Variants in BLTP2 observed in about 807,000 individuals in gnomAD.
BLTP2 encodes U937-associated antigen.
At chr17:28,632,040 G>A in the BLTP2 span, 2 of 1,611,414 alleles carry the variant, frequency 1.2e-6, no homozygotes, top group Non-Finnish European at 1.7e-6. Flanking sequence ...AGGGACATCA[G>A]TGCCTTACCT....
chr17:28,632,742 T>C, the BLTP2 span, among the ~76,000 whole-genome samples: 1 of 152,054 alleles, frequency 6.6e-6, no homozygotes, highest in East Asian at 1.9e-4. Flanking sequence ...AAACTTGTGG[T>C]ATTACTGTTA....
chr17:28,641,762 C>T, the BLTP2 span: 1 of 851,746 alleles, frequency 1.2e-6, no homozygotes, highest in Non-Finnish European at 1.8e-6. Flanking sequence ...TCTAACTATC[C>T]TTAGGGTCAA....
the BLTP2 span, chr17:28,614,953 GCT>G: frequency 1.0e-6 from 1 of 996,476 alleles, no homozygotes; most frequent in Admixed American, 2.2e-5. Flanking sequence ...ATGCCTATGG[GCT>G]CTGACACCCA....
At chr17:28,641,814 G>T in the BLTP2 span, 1 of 1,296,528 alleles carries the variant, frequency 7.7e-7, no homozygotes. Flanking sequence ...TAAGCAGTGA[G>T]ACCACTATTT....
the BLTP2 span, chr17:28,634,680 T>C: frequency 6.2e-7 from 1 of 1,614,180 alleles, no homozygotes; most frequent in Non-Finnish European, 8.5e-7. Flanking sequence ...GTTCTAGCCC[T>C]GCTAAGCTCC....
At chr17:28,635,174 G>C in the BLTP2 span, 2 of 1,613,796 alleles carry the variant, frequency 1.2e-6, no homozygotes, top group East Asian at 4.5e-5. Flanking sequence ...GCAGGGAAGG[G>C]GTTCCGGTGG....
At chr17:28,639,287 G>C in the BLTP2 span, 3 of 1,612,666 alleles carry the variant, frequency 1.9e-6, no homozygotes, top group Admixed American at 5.0e-5. Context: ...CAACTGACAA[G>C]AAGGTGGCTG....
At chr17:28,638,765 G>A in the BLTP2 span, 3 of 647,698 alleles carry the variant, frequency 4.6e-6, no homozygotes, top group African/African-American at 3.6e-5. Flanking sequence ...TTCTTAGGAC[G>A]AGACACACCT....
At chr17:28,642,102 G>C in the BLTP2 span, 5 of 1,608,404 alleles carry the variant, frequency 3.1e-6, no homozygotes, top group Non-Finnish European at 3.4e-6. Flanking sequence ...AAGCCTCTAA[G>C]GTGTATGTAA....
the BLTP2 span, chr17:28,624,046 G>C: frequency 3.0e-5 from 42 of 1,404,008 alleles, no homozygotes; most frequent in Non-Finnish European, 4.1e-5. Context: ...ACTGCAGCTA[G>C]GTCTAATGCT....
At chr17:28,635,814 A>G in the BLTP2 span, 3 of 539,084 alleles carry the variant, frequency 5.6e-6, no homozygotes, top group South Asian at 5.4e-5. Context: ...GACATTTAAG[A>G]GCACTTATAC....
chr17:28,629,471 T>A, the BLTP2 span, among the ~76,000 whole-genome samples: 1 of 151,830 alleles, frequency 6.6e-6, no homozygotes, highest in Non-Finnish European at 1.5e-5. Context: ...ATTTATTTTT[T>A]ATTTATTTAT....
the BLTP2 span, chr17:28,639,107 C>G: frequency 1.7e-6 from 1 of 598,322 alleles, no homozygotes; most frequent in Non-Finnish European, 3.0e-6. Flanking sequence ...ACACTGAGCA[C>G]CGAGGACATA....
At chr17:28,616,542 ATCC>A in the BLTP2 span, 10 of 1,614,014 alleles carry the variant, frequency 6.2e-6, no homozygotes, top group African/African-American at 1.1e-4. The surrounding 1 kb of genome is among the most constrained non-coding windows in gnomAD (Gnocchi z 4.8). Flanking sequence ...GCTGTCATCC[ATCC>A]TCGTTCTGAA....
At chr17:28,621,576 A>C in the BLTP2 span, 3 of 1,017,966 alleles carry the variant, frequency 2.9e-6, no homozygotes, top group Non-Finnish European at 3.1e-6. Flanking sequence ...ACAGATCTCC[A>C]TGTTTCAAGT....
the BLTP2 span, chr17:28,624,108 G>A: frequency 1.5e-6 from 2 of 1,351,972 alleles, no homozygotes; most frequent in Non-Finnish European, 2.1e-6. Flanking sequence ...GATTACCTAT[G>A]ATACCTATGA....
At chr17:28,638,775 T>G in the BLTP2 span, 1 of 627,048 alleles carries the variant, frequency 1.6e-6, no homozygotes, top group Non-Finnish European at 2.8e-6. Flanking sequence ...GAGACACACC[T>G]AGAAGATAAA....
chr17:28,625,410 ATT>A, the BLTP2 span, among the ~76,000 whole-genome samples: 1 of 150,062 alleles, frequency 6.7e-6, no homozygotes, highest in South Asian at 2.2e-4. Context: ...ACATAAAAAT[ATT>A]CTCTTACCTC....
the BLTP2 span, chr17:28,639,209 G>C: frequency 6.4e-6 from 7 of 1,095,226 alleles, no homozygotes; most frequent in Admixed American, 1.2e-4. Context: ...CGGATTTGAG[G>C]AGGTCAAACA....
Sources: allele counts gnomAD v4.1 joint callset (sites outside exome capture counted in the v4.1 genomes callset), GRCh38; gene constraint gnomAD v4.1.1; non-coding constraint Gnocchi (gnomAD v3.1); transcripts MANE v1.5; gene names NCBI Gene and HGNC (gene_info 2026-07-23, HGNC 2026-07-21).